The following DYNLT2B variants were observed in gnomAD, a reference collection of about 807,000 sequenced individuals.
DYNLT2B encodes the protein dynein light chain Tctex-type protein 2B.
Under a neutral mutation model 19.5 loss-of-function variants are expected in DYNLT2B, and 14 were observed. That is an observed-to-expected ratio of 0.72 (90% CI 0.47 to 1.12). The LOEUF is 1.12. Among genes scored for constraint, DYNLT2B ranks in the 50% most tolerant of loss-of-function variants. The pLI is 0.00. For synonymous variants in DYNLT2B, 70 were observed against 59.7 expected, an observed-to-expected ratio of 1.17 and a Z score of -0.79; for missense variants, 133 against 174.7, an observed-to-expected ratio of 0.76 and a Z score of 1.35.
At chr3:196,304,608 T>C (rs986780850) in intron 3 of DYNLT2B, among the ~76,000 whole-genome samples, 38 of 151,884 alleles carry the variant, frequency 2.5e-4, no homozygotes, top group African/African-American at 9.2e-4. Context: ...GGAGAATCTC[T>C]TGAACCTGGG....
At chr3:196,296,132 G>A in intron 3 of DYNLT2B, 63 bp from the exon 4 acceptor site, 1 of 1,375,690 alleles carries the variant, frequency 7.3e-7, no homozygotes, top group Non-Finnish European at 1.0e-6. Flanking sequence ...ACACATATCT[G>A]CCACGAGAAA....
chr3:196,304,236 A>C (rs1351419579), intron 3 of DYNLT2B, among the ~76,000 whole-genome samples: 1 of 151,860 alleles, frequency 6.6e-6, no homozygotes, highest in Non-Finnish European at 1.5e-5. Flanking sequence ...AGGTTCAAGC[A>C]ATTCTCCTGC....
intron 1 of DYNLT2B, 25 bp downstream of exon 1, chr3:196,318,015 C>G (rs774374419): frequency 4.9e-6 from 7 of 1,427,370 alleles, no homozygotes; most frequent in African/African-American, 1.5e-5. Flanking sequence ...CGAGGTCGCC[C>G]CGCCACAGCC....
chr3:196,299,836 C>G (rs113303139), intron 3 of DYNLT2B, among the ~76,000 whole-genome samples: 58 of 152,266 alleles, frequency 3.8e-4, no homozygotes, highest in African/African-American at 1.3e-3. Context: ...GAGGCTGAGG[C>G]AGGAGAATGG....
intron 4 of DYNLT2B, 131 bp downstream of exon 4, chr3:196,295,875 A>G: frequency 1.3e-6 from 1 of 770,894 alleles, no homozygotes; most frequent in Non-Finnish European, 2.1e-6. Flanking sequence ...TAACAGTAAA[A>G]TCATTTCATT....
intron 2 of DYNLT2B, among the ~76,000 whole-genome samples, chr3:196,314,585 G>A (rs1726726764): frequency 6.6e-6 from 1 of 152,052 alleles, no homozygotes; most frequent in African/African-American, 2.4e-5. Context: ...GGCCTAGGTG[G>A]GAGAATCACT....
intron 2 of DYNLT2B, 108 bp downstream of exon 2, chr3:196,315,990 C>G (rs1577395461): frequency 1.4e-5 from 18 of 1,252,238 alleles, no homozygotes; most frequent in Non-Finnish European, 2.0e-5. Flanking sequence ...TAGGCGTGAG[C>G]CACCACACCT....
intron 2 of DYNLT2B, among the ~76,000 whole-genome samples, chr3:196,314,533 C>A (rs999711005): frequency 6.6e-6 from 1 of 151,434 alleles, no homozygotes; most frequent in South Asian, 2.1e-4. Flanking sequence ...AAGAGAGAGA[C>A]CAGGCGCAGT....
chr3:196,311,914 A>G (rs1189379229), intron 2 of DYNLT2B, among the ~76,000 whole-genome samples: 1 of 152,078 alleles, frequency 6.6e-6, no homozygotes, highest in Non-Finnish European at 1.5e-5. Context: ...TTTTTGAGAC[A>G]GAGTTTCGCC....
At chr3:196,308,838 A>T (rs1315613569) in intron 2 of DYNLT2B, among the ~76,000 whole-genome samples, 6 of 152,248 alleles carry the variant, frequency 3.9e-5, no homozygotes, top group Admixed American at 6.5e-5. Context: ...AAATGTGTCT[A>T]GAATAATACT....
chr3:196,301,013 C>T (rs1007119512), intron 3 of DYNLT2B, among the ~76,000 whole-genome samples: 1 of 151,566 alleles, frequency 6.6e-6, no homozygotes, highest in Non-Finnish European at 1.5e-5. Context: ...GAGCTGAGAT[C>T]GCACCACTGC....
Position 196,312,127 on chromosome 3 carries a change from G to A in DYNLT2B, c.247+3971C>T, listed in dbSNP as rs192086580. ...ACTCACAACCTCAAGTGATCCGCCCGCCTCGGCCTCCCTAAGTGCTGGGAT... is the reference window on the plus strand; with the variant it reads ...ACTCACAACCTCAAGTGATCCGCCCACCTCGGCCTCCCTAAGTGCTGGGAT... On this transcript the variant is annotated intron_variant, in intron 2 of 4. Coordinates refer to ENST00000325318, the MANE Select transcript of DYNLT2B (RefSeq NM_152773.5). Among the ~76,000 whole-genome samples, 387 of 152,272 alleles carry A rather than the reference G, an allele frequency of 2.5e-3. 2 individuals are homozygous for A. Among genetic ancestry groups the A allele is most frequent in the Middle Eastern group, 6.8e-3 (2 of 294 alleles).
At position 196,308,082 on chromosome 3, in the gene DYNLT2B, G is replaced by GAA. The variant is rs201886079; in HGVS notation, c.248-1072_248-1071dup. Among the ~76,000 whole-genome samples the GAA allele has an allele frequency of 2.4e-3, 258 of 108,940 alleles. 1 individual carries two copies. The highest frequency in any genetic ancestry group is 8.6e-3 in the African/African-American group (227 of 26,356). The allele number at this position is 108,940 out of a possible 152,430, so 71.5% of individuals were successfully genotyped here. On this transcript the variant is annotated intron_variant, in intron 2 of 4. Transcript: ENST00000325318. ...GGTAACAAGAGCAAAACTCCATCTC[G>GAA]AAAAAAAAAAAAAAAAAGAAAATAG...
In DYNLT2B at chr3:196,291,291, A is replaced by C. The variant is rs575155713; in HGVS notation, c.*36T>G. ...AATATTAAAAAGTTCAGATTTCTTC[A>C]TGGTCATGTCTTTTACCAGCTTTTC... On this transcript the variant is annotated 3_prime_UTR_variant, in exon 5 of 5. Coordinates refer to ENST00000325318, the MANE Select transcript of DYNLT2B (RefSeq NM_152773.5). 23 of 1,580,532 alleles carry C rather than the reference A, an allele frequency of 1.5e-5. No homozygotes were observed. The South Asian group carries it at 2.4e-4, about 17-fold the overall frequency.
intron 2 of DYNLT2B, 108 bp downstream of exon 2, chr3:196,315,990 C>T: frequency 2.4e-6 from 3 of 1,252,238 alleles, no homozygotes; most frequent in Non-Finnish European, 3.3e-6. Context: ...TAGGCGTGAG[C>T]CACCACACCT....
chr3:196,294,606 T>A (rs376181636), intron 4 of DYNLT2B, among the ~76,000 whole-genome samples: 6 of 152,340 alleles, frequency 3.9e-5, no homozygotes, highest in African/African-American at 1.2e-4. Flanking sequence ...TTTGGGAAAA[T>A]GTACTTCAGC....
At chr3:196,299,481 C>T (rs1577387664) in intron 3 of DYNLT2B, among the ~76,000 whole-genome samples, 2 of 151,962 alleles carry the variant, frequency 1.3e-5, no homozygotes, top group Admixed American at 1.3e-4. Flanking sequence ...CCTTGGCCTT[C>T]GAAAGTGGTA....
At chr3:196,292,496 T>C (rs1577384534) in intron 4 of DYNLT2B, 1 of 152,028 alleles carries the variant, frequency 6.6e-6, no homozygotes, top group African/African-American at 2.4e-5. Context: ...TTTTGTAAAA[T>C]GCAATAAAAA....
intron 4 of DYNLT2B, among the ~76,000 whole-genome samples, chr3:196,294,738 T>A (rs898794732): frequency 6.6e-6 from 1 of 152,062 alleles, no homozygotes; most frequent in African/African-American, 2.4e-5. Flanking sequence ...TTTTCTTTTT[T>A]CTTTTTTTAA....
Sources: allele counts gnomAD v4.1 joint callset (sites outside exome capture counted in the v4.1 genomes callset), GRCh38; gene constraint gnomAD v4.1.1; transcripts MANE v1.5; gene names NCBI Gene and HGNC (gene_info 2026-07-23, HGNC 2026-07-21).